MCF2L2: variants seen among roughly 807,000 people sequenced by gnomAD.
MCF2L2 encodes the protein MCF.2 cell line derived transforming sequence-like 2.
MCF2L2 carries 102 observed loss-of-function variants against 150.2 expected under a neutral mutation model. That is an observed-to-expected ratio of 0.68 (90% CI 0.58 to 0.80). The LOEUF is 0.80. MCF2L2 is among the 30% of genes least tolerant of loss of function. MCF2L2 has a pLI of 0.00. For synonymous variants in MCF2L2, 465 were observed against 491.3 expected (o/e 0.95, Z 0.71); for missense variants, 1,256 against 1,372.8 (o/e 0.91, Z 1.34).
intron 3 of MCF2L2, chr3:183,374,767 A>G (rs1713098395): frequency 2.0e-5 from 3 of 152,296 alleles, no homozygotes; most frequent in South Asian, 2.1e-4. Flanking sequence ...CTGGATTTCA[A>G]TCCAGGTTTG....
chr3:183,231,146 T>C, intron 15 of MCF2L2, 129 bp from the exon 16 acceptor site: 1 of 740,790 alleles, frequency 1.3e-6, no homozygotes, highest in Non-Finnish European at 2.4e-6. Context: ...ACTTAGTTTC[T>C]GGTCAGTTCA....
At chr3:183,251,577 A>G (rs1261094643) in intron 15 of MCF2L2, among the ~76,000 whole-genome samples, 1 of 152,194 alleles carries the variant, frequency 6.6e-6, no homozygotes, top group Non-Finnish European at 1.5e-5. Flanking sequence ...TGCTACTTGG[A>G]TAAGGAAAGC....
chr3:183,221,700 G>A (rs1227597135), intron 20 of MCF2L2, among the ~76,000 whole-genome samples: 1 of 152,170 alleles, frequency 6.6e-6, no homozygotes, highest in East Asian at 1.9e-4. Context: ...GGAGCATGAG[G>A]CCCTGAGTGA....
chr3:183,406,947 CAAA>C (rs1715074687), intron 1 of MCF2L2, among the ~76,000 whole-genome samples: 2 of 152,146 alleles, frequency 1.3e-5, no homozygotes, highest in Admixed American at 1.3e-4. Flanking sequence ...ACTAAGGTCA[CAAA>C]GATTTCCTCC....
chr3:183,313,942 T>C (rs1435549645), intron 7 of MCF2L2, among the ~76,000 whole-genome samples: 3 of 152,198 alleles, frequency 2.0e-5, no homozygotes, highest in Non-Finnish European at 2.9e-5. Context: ...CCGTTGTGCG[T>C]GTGCCCTGAG....
chr3:183,238,705 A>C (rs1723858959), intron 15 of MCF2L2, among the ~76,000 whole-genome samples: 1 of 151,462 alleles, frequency 6.6e-6, no homozygotes, highest in African/African-American at 2.4e-5. Context: ...TTATTCACAG[A>C]AAAGACTCTC....
At position 183,270,256 on chromosome 3, in the gene MCF2L2, A is replaced by T; in HGVS notation, c.1862+6616T>A. 6.2e-7 allele frequency: 1 copy of T among 1,614,188 alleles called. No individual in the cohort carries two copies. Among genetic ancestry groups the T allele is most frequent in the Non-Finnish European group, 8.5e-7 (1 of 1,179,974 alleles). On this transcript the variant is annotated intron_variant, in intron 15 of 29. Transcript: ENST00000328913. The surrounding 1 kb of genome is among the most constrained non-coding windows in gnomAD (Gnocchi z 4.5). ...AAACTGGCTTGGGAAGATCAAAGGT[A>T]CAATGATATAATTCAGCAAGACTTT...
rs2108470456 is a variant in MCF2L2, at chr3:183,283,782, A to T, written c.1776+5338T>A. Among the ~76,000 whole-genome samples, 1 of 152,284 alleles carries T rather than the reference A, an allele frequency of 6.6e-6. No individual in the cohort carries two copies. Among genetic ancestry groups the T allele is most frequent in the South Asian group, 2.1e-4 (1 of 4,824 alleles). On this transcript the variant is annotated intron_variant, in intron 14 of 29. Coordinates refer to ENST00000328913, the MANE Select transcript of MCF2L2 (RefSeq NM_015078.4). This position sits in a 1 kb window ranked among gnomAD's most constrained non-coding sequence, Gnocchi z 4.2. ...GGTGATCCACCCACCTCAGCCTCCC[A>T]AAGTGCTGGGATTACAGGTGTGAGC...
rs74391163 is a variant in MCF2L2, at chr3:183,327,623, C to T, written c.487-4272G>A. Among the ~76,000 whole-genome samples, 44 of 152,296 alleles carry T rather than the reference C, an allele frequency of 2.9e-4. No individual in the cohort carries two copies. The East Asian group carries it at 5.6e-3, about 19-fold the overall frequency. ...CTCCCTCTACCTTCCTGAATAAGCA[C>T]GTAGTTTACTATGTCACACATATTC... On this transcript the variant is annotated intron_variant, in intron 5 of 29. Transcript: ENST00000328913.
intron 15 of MCF2L2, among the ~76,000 whole-genome samples, chr3:183,246,422 T>C (rs747576173): frequency 2.6e-5 from 4 of 152,262 alleles, no homozygotes; most frequent in Non-Finnish European, 4.4e-5. Context: ...GTGTCTCATA[T>C]AAGTGGAATC....
chr3:183,216,574 A>AT (rs1722938866), intron 21 of MCF2L2, among the ~76,000 whole-genome samples: 1 of 54,460 alleles, frequency 1.8e-5, no homozygotes, highest in Non-Finnish European at 3.3e-5. Flanking sequence ...ATATATATAT[A>AT]TATATATTTT....
At chr3:183,292,974 G>A (rs114604598) in intron 13 of MCF2L2, among the ~76,000 whole-genome samples, 3,041 of 152,286 alleles carry the variant, frequency 0.02, 60 homozygotes, top group East Asian at 0.051. Flanking sequence ...CATGAGACAT[G>A]TAGGATAACA....
At position 183,179,716 on chromosome 3, in the gene MCF2L2, C is replaced by A; in HGVS notation, c.3106-24G>T. 1 of 1,596,860 alleles carries A rather than the reference C, an allele frequency of 6.3e-7. No individual in the cohort carries two copies. The highest frequency in any genetic ancestry group is 2.2e-5 in the East Asian group (1 of 44,760). ...AGCTGGAAGGGAGGGGACGGGTGCA[C>A]CCTCAGAGTTATTGCTGGAGGCTGT... On this transcript the variant is annotated intron_variant, in intron 28 of 29. Transcript: ENST00000328913. This position sits in a 1 kb window ranked among gnomAD's most constrained non-coding sequence, Gnocchi z 4.2.
At chr3:183,353,913 C>T (rs1331274349) in intron 3 of MCF2L2, among the ~76,000 whole-genome samples, 1 of 152,092 alleles carries the variant, frequency 6.6e-6, no homozygotes, top group East Asian at 1.9e-4. Flanking sequence ...TCCATCCTCT[C>T]ACCACACTTT....
intron 3 of MCF2L2, among the ~76,000 whole-genome samples, chr3:183,348,704 A>G (rs928390820): frequency 6.6e-6 from 1 of 152,236 alleles, no homozygotes; most frequent in African/African-American, 2.4e-5. Context: ...ATCACTAGTC[A>G]TAAGAAAGCC....
At chr3:183,346,259 A>G (rs1730894711) in intron 3 of MCF2L2, among the ~76,000 whole-genome samples, 1 of 151,966 alleles carries the variant, frequency 6.6e-6, no homozygotes, top group African/African-American at 2.4e-5. Context: ...TGCACTCAAC[A>G]TATGCAAATC....
intron 3 of MCF2L2, among the ~76,000 whole-genome samples, chr3:183,368,285 A>T (rs1560043372): frequency 6.6e-6 from 1 of 152,166 alleles, no homozygotes; most frequent in South Asian, 2.1e-4. Context: ...TTGTGTCCTA[A>T]TGCATGAGAA....
chr3:183,340,215 T>C (rs1015498289), intron 4 of MCF2L2, among the ~76,000 whole-genome samples: 1 of 152,088 alleles, frequency 6.6e-6, no homozygotes, highest in African/African-American at 2.4e-5. Context: ...GAGACATAAT[T>C]TGTGAATTTG....
At chr3:183,226,343 T>G (rs1485927415) in intron 18 of MCF2L2, 1 of 151,288 alleles carries the variant, frequency 6.6e-6, no homozygotes, top group African/African-American at 2.4e-5. Context: ...CGAGGGAGGG[T>G]GAGGCAGGAG....
Sources: allele counts gnomAD v4.1 joint callset (sites outside exome capture counted in the v4.1 genomes callset), GRCh38; gene constraint gnomAD v4.1.1; non-coding constraint Gnocchi (gnomAD v3.1); transcripts MANE v1.5; gene names NCBI Gene and HGNC (gene_info 2026-07-23, HGNC 2026-07-21).